Variants in ST3GAL1 observed in about 807,000 individuals in gnomAD.
The protein encoded by ST3GAL1 is CMP-N-acetylneuraminate-beta-galactosamide-alpha-2,3-sialyltransferase 1.
In ST3GAL1, 16 loss-of-function variants were observed where a neutral mutation model predicts 34.1. That is an observed-to-expected ratio of 0.47 (90% CI 0.32 to 0.71). The LOEUF (loss-of-function observed/expected upper bound fraction) is 0.71. ST3GAL1 is among the 30% of genes least tolerant of loss of function. The pLI is 0.04. For missense variants in ST3GAL1, 353 were observed against 447.4 expected, an observed-to-expected ratio of 0.79 and a Z score of 1.90; for synonymous variants, 191 against 184.7, an observed-to-expected ratio of 1.03 and a Z score of -0.28.
intron 2 of ST3GAL1, among the ~76,000 whole-genome samples, chr8:133,535,243 T>TTATATC (rs1365066462): frequency 2.6e-5 from 4 of 152,220 alleles, no homozygotes; most frequent in Admixed American, 2.6e-4. Flanking sequence ...TAGAGCTACA[T>TTATATC]TATATCTATA....
At chr8:133,505,495 C>T (rs1270611422) in intron 2 of ST3GAL1, among the ~76,000 whole-genome samples, 2 of 152,202 alleles carry the variant, frequency 1.3e-5, no homozygotes, top group Non-Finnish European at 2.9e-5. Context: ...CTTTTGTCAG[C>T]ATCTGCCAAC....
chr8:133,479,857 T>G (rs577748653), intron 3 of ST3GAL1, among the ~76,000 whole-genome samples: 2 of 152,090 alleles, frequency 1.3e-5, no homozygotes, highest in Non-Finnish European at 2.9e-5. Context: ...TGGATAAAAC[T>G]GCAATGGAAA....
In ST3GAL1 at chr8:133,541,116, TATATAG is replaced by T. The variant is rs1275807312; in HGVS notation, c.-429+4652_-429+4657del. Among the ~76,000 whole-genome samples, 63 of 48,528 alleles carry T rather than the reference TATATAG, an allele frequency of 1.3e-3. 5 individuals carry two copies. The highest frequency in any genetic ancestry group is 4.3e-3 in the African/African-American group (40 of 9,230). 31.8% of individuals were successfully genotyped at this position (48,528 alleles called of 152,430 possible). On this transcript the variant is annotated intron_variant, in intron 2 of 9. Transcript: ENST00000522652. ...ATAAACATATATATATATATATATA[TATATAG>T]AGAGAGAGAGAGAGAGAGAGAGAGA...
intron 2 of ST3GAL1, among the ~76,000 whole-genome samples, chr8:133,535,839 A>T (rs1818295995): frequency 6.6e-6 from 1 of 152,344 alleles, no homozygotes; most frequent in Admixed American, 6.5e-5. Context: ...TGTTTTAGAC[A>T]TAATGCTACT....
Position 133,475,851 on chromosome 8 carries a change from A to G in ST3GAL1, c.174T>C (p.Pro58=), listed in dbSNP as rs755870052. 7 of 1,613,940 alleles carry G rather than the reference A, an allele frequency of 4.3e-6. No homozygotes were observed. In the South Asian group the frequency reaches 7.7e-5, roughly 18 times the overall value. Residue 58 remains proline (P), a synonymous_variant, in exon 5 of 10, where the codon CCT becomes CCC. Coordinates refer to ENST00000522652, the MANE Select transcript of ST3GAL1 (RefSeq NM_173344.3). ...GCCCGATGCAGTGGGTGCAGGTGCA[A>G]GGCCTGTGCTTGATCAGTCTCTTCA... ...ENLKRLIKHR[P]CTCTHCIGQR... is the part of the protein sequence containing the mutation.
intron 3 of ST3GAL1, among the ~76,000 whole-genome samples, chr8:133,481,992 C>A (rs1248517655): frequency 6.6e-6 from 1 of 152,020 alleles, no homozygotes; most frequent in Non-Finnish European, 1.5e-5. Flanking sequence ...TCACTGACTC[C>A]CTCTACCTAC....
intron 2 of ST3GAL1, among the ~76,000 whole-genome samples, chr8:133,505,566 C>G (rs1563718311): frequency 6.6e-6 from 1 of 152,010 alleles, no homozygotes; most frequent in Non-Finnish European, 1.5e-5. Flanking sequence ...TTCTTTATAT[C>G]TACTAGCCTC....
chr8:133,523,761 GT>G (rs1263574128), intron 2 of ST3GAL1, among the ~76,000 whole-genome samples: 2 of 152,208 alleles, frequency 1.3e-5, no homozygotes, highest in Non-Finnish European at 2.9e-5. Flanking sequence ...AGAAGGCTGG[GT>G]ATGGGAGCCA....
intron 1 of ST3GAL1, among the ~76,000 whole-genome samples, chr8:133,551,595 AAAGAAAG>A (rs1563739146): frequency 6.6e-6 from 1 of 150,856 alleles, no homozygotes; most frequent in Non-Finnish European, 1.5e-5. Flanking sequence ...AGAAAGAAAG[AAAGAAAG>A]AAAGAAAGAA....
In ST3GAL1 at chr8:133,476,017, G is replaced by T. The variant is rs1239400071; in HGVS notation, c.8C>A (p.Thr3Asn). The part of the protein sequence containing the change: MV[T>N]LRKRTLKVLT... ...CACTTTCAGGGTCCTCTTCCGCAGG[G>T]TCACCATCTTCGCAGTCCTGATGGT... Residue 3 changes from threonine to asparagine, a missense_variant, in exon 5 of 10, where the codon ACC becomes AAC. Physicochemically the swap from Thr to Asn is moderately conservative, Grantham distance 65. Transcript: ENST00000522652. The T allele has an allele frequency of 9.4e-6, 15 of 1,587,730 alleles. No individual in the cohort carries two copies. In the Admixed American group the frequency reaches 2.1e-4, roughly 22 times the overall value.
At chr8:133,480,143 A>G (rs1181024968) in intron 3 of ST3GAL1, among the ~76,000 whole-genome samples, 1 of 152,228 alleles carries the variant, frequency 6.6e-6, no homozygotes, top group Non-Finnish European at 1.5e-5. Context: ...GTCCTCTGCC[A>G]AATGGCAGTC....
At position 133,540,924 on chromosome 8, in the gene ST3GAL1, T is replaced by TATATAGAGAC. The variant is rs1563734225; in HGVS notation, c.-429+4849_-429+4850insGTCTCTATAT. ...ATATATAGACATATATATAGACATA[T>TATATAGAGAC]ATATATAGACATATATAGACATATA... On this transcript the variant is annotated intron_variant, in intron 2 of 9. Transcript: ENST00000522652. Among the ~76,000 whole-genome samples, 51 of 75,872 alleles carry TATATAGAGAC rather than the reference T, an allele frequency of 6.7e-4. 1 individual carries two copies. Among genetic ancestry groups the TATATAGAGAC allele is most frequent in the African/African-American group, 2.5e-3 (45 of 17,708 alleles). The allele number at this position is 75,872 out of a possible 152,430, so 49.8% of individuals were successfully genotyped here.
At position 133,463,410 on chromosome 8, in the gene ST3GAL1, T is replaced by G. The variant is rs1207242310; in HGVS notation, c.729+4A>C. ...AGAACAGAGGGGCCGGGGCCTCCAC[T>G]CACCTTATCCTGTTTCACTCTGATC... On this transcript the variant is annotated splice_donor_region_variant and intron_variant, in intron 8 of 9. Coordinates refer to ENST00000522652, the MANE Select transcript of ST3GAL1 (RefSeq NM_173344.3). 3 of 1,613,840 alleles carry G rather than the reference T, an allele frequency of 1.9e-6. No homozygotes were observed. Among genetic ancestry groups the G allele is most frequent in the Non-Finnish European group, 2.5e-6 (3 of 1,179,948 alleles).
chr8:133,500,894 C>A (rs926883201), intron 2 of ST3GAL1, among the ~76,000 whole-genome samples: 1 of 152,144 alleles, frequency 6.6e-6, no homozygotes, highest in African/African-American at 2.4e-5. Context: ...CTGAGAAGGT[C>A]AAAAATGCAC....
At chr8:133,494,926 T>C (rs1045212783) in intron 3 of ST3GAL1, among the ~76,000 whole-genome samples, 1 of 145,406 alleles carries the variant, frequency 6.9e-6, no homozygotes, top group Non-Finnish European at 1.5e-5. Flanking sequence ...TTTTTTTTTT[T>C]TTTTTTTTTT....
chr8:133,514,140 C>T (rs1231387480), intron 2 of ST3GAL1, among the ~76,000 whole-genome samples: 1 of 152,132 alleles, frequency 6.6e-6, no homozygotes, highest in African/African-American at 2.4e-5. Flanking sequence ...ATGCACACAA[C>T]CAATAGGCTA....
intron 3 of ST3GAL1, among the ~76,000 whole-genome samples, chr8:133,479,220 G>A (rs1816290959): frequency 6.6e-6 from 1 of 152,166 alleles, no homozygotes; most frequent in Admixed American, 6.5e-5. Flanking sequence ...TGGCTGGGGT[G>A]CATCGTAAAA....
In ST3GAL1 at chr8:133,461,471, G is replaced by A. The variant is rs1272703437; in HGVS notation, c.849+404C>T. Among the ~76,000 whole-genome samples the A allele has an allele frequency of 1.3e-5, 2 of 152,174 alleles. No homozygotes were observed. The highest frequency in any genetic ancestry group is 4.8e-5 in the African/African-American group (2 of 41,434). ...TGGGTACCTGGCTCCCATTAATTCT[G>A]GTAAAATTGGGCCAAGGTGTGGCTT... On this transcript the variant is annotated intron_variant, in intron 9 of 9. Coordinates refer to ENST00000522652, the MANE Select transcript of ST3GAL1 (RefSeq NM_173344.3). The surrounding 1 kb of genome is among the most constrained non-coding windows in gnomAD (Gnocchi z 4.7).
chr8:133,540,920 C>CAT (rs750473442), intron 2 of ST3GAL1, among the ~76,000 whole-genome samples: 5 of 39,654 alleles, frequency 1.3e-4, no homozygotes, highest in Non-Finnish European at 2.1e-4. Flanking sequence ...TATATATAGA[C>CAT]ATATATATAT....
Sources: allele counts gnomAD v4.1 joint callset (sites outside exome capture counted in the v4.1 genomes callset), GRCh38; gene constraint gnomAD v4.1.1; non-coding constraint Gnocchi (gnomAD v3.1); transcripts MANE v1.5; gene names NCBI Gene and HGNC (gene_info 2026-07-23, HGNC 2026-07-21).